ANKAR: variants seen among roughly 807,000 people sequenced by gnomAD.
ANKAR encodes the protein ankyrin and armadillo repeat-containing protein.
Under a neutral mutation model 146.2 loss-of-function variants are expected in ANKAR, and 136 were observed. The observed-to-expected ratio is 0.93, with a 90% CI of 0.81 to 1.07. The LOEUF is 1.07. Among genes scored for constraint, ANKAR ranks in the 50% least tolerant of loss-of-function variants. The pLI, the probability that ANKAR is intolerant of heterozygous loss-of-function variation, is 0.00. For missense variants in ANKAR, 1,567 were observed against 1,679.9 expected (o/e 0.93, Z 1.18); for synonymous variants, 500 against 575.8 (o/e 0.87, Z 1.88).
intron 18 of ANKAR, among the ~76,000 whole-genome samples, chr2:189,760,172 A>T (rs1239766735): frequency 6.6e-6 from 1 of 152,236 alleles, no homozygotes; most frequent in Non-Finnish European, 1.5e-5. Flanking sequence ...ACACAGACAT[A>T]TTAACAATCT....
At chr2:189,763,037 T>A (rs1435417335), downstream of ANKAR, 1 of 985,208 alleles carries the variant, frequency 1.0e-6, no homozygotes. Context: ...CTAAGCTACA[T>A]TAAAAAGAAA....
intron 5 of ANKAR, among the ~76,000 whole-genome samples, chr2:189,694,279 A>G (rs563342992): frequency 6.7e-4 from 102 of 152,264 alleles, no homozygotes; most frequent in African/African-American, 2.3e-3. Context: ...CATTTGGAGG[A>G]GAAACCCAGG....
chr2:189,722,302 G>T (rs2105795747), intron 12 of ANKAR, among the ~76,000 whole-genome samples: 1 of 136,312 alleles, frequency 7.3e-6, no homozygotes, highest in East Asian at 2.2e-4. Flanking sequence ...TTGTACCACT[G>T]CACTCTAGCC....
Position 189,676,768 on chromosome 2 carries a change from C to T in ANKAR, c.278C>T (p.Ala93Val), listed in dbSNP as rs2033756588. The change falls in exon 2 of 23, where the codon GCC becomes GTC. Residue 93 changes from alanine (A) to valine (V), a missense_variant. Ala to Val is a moderately conservative substitution (Grantham distance 64). Transcript: ENST00000684021. ...CTACTGACTCCCGTGGACCCTACTGCCCTCTTAGACTATAGAGAGGTCCAT... is the reference window on the plus strand; with the variant it reads ...CTACTGACTCCCGTGGACCCTACTGTCCTCTTAGACTATAGAGAGGTCCAT... ...AILLTPVDPTALLDYREVHQM... is the reference protein window; with the variant it reads ...AILLTPVDPTVLLDYREVHQM... 4 of 1,614,016 alleles carry T rather than the reference C, an allele frequency of 2.5e-6. No individual in the cohort carries two copies. Among genetic ancestry groups the T allele is most frequent in the African/African-American group, 1.3e-5 (1 of 74,920 alleles).
intron 6 of ANKAR, 145 bp downstream of exon 6, chr2:189,695,306 G>T: frequency 1.5e-6 from 1 of 646,128 alleles, no homozygotes; most frequent in South Asian, 3.9e-5. Flanking sequence ...GTAGCTGAAA[G>T]GCTATACAAT....
intron 2 of ANKAR, among the ~76,000 whole-genome samples, chr2:189,688,362 C>G (rs570030156): frequency 6.6e-6 from 1 of 152,292 alleles, no homozygotes; most frequent in East Asian, 1.9e-4. Flanking sequence ...GTGACTATCA[C>G]TCTGCAATAT....
In ANKAR at chr2:189,752,947, A is replaced by G. The variant is rs768484084; in HGVS notation, c.*585-8151A>G. 14 of 1,612,924 alleles carry G rather than the reference A, an allele frequency of 8.7e-6. No homozygotes were observed. The Admixed American group carries it at 2.3e-4, about 27-fold the overall frequency. On this transcript the variant is annotated intron_variant and NMD_transcript_variant, in intron 18 of 18. Transcript: ENST00000441800. ...TTAAAATTTCCAGAGCTCTGCGGAT[A>G]TAGAAGTTACTTGCGACACCACCAG... is the stretch of plus-strand genomic sequence containing the variant.
At chr2:189,717,348 A>C (rs1377240020) in intron 10 of ANKAR, among the ~76,000 whole-genome samples, 1 of 152,238 alleles carries the variant, frequency 6.6e-6, no homozygotes. Context: ...GCTCATCATC[A>C]CTGGCCATCA....
At chr2:189,715,151 C>T (rs943759224) in intron 10 of ANKAR, among the ~76,000 whole-genome samples, 3 of 151,938 alleles carry the variant, frequency 2.0e-5, no homozygotes, top group South Asian at 2.1e-4. Flanking sequence ...AATCCAGGAG[C>T]TGGTTTGTTG....
At chr2:189,679,681 G>A (rs529762983) in intron 2 of ANKAR, among the ~76,000 whole-genome samples, 135 of 152,228 alleles carry the variant, frequency 8.9e-4, no homozygotes, top group Non-Finnish European at 1.4e-3. Flanking sequence ...AAGCAATGCT[G>A]GATTTTGTCA....
chr2:189,694,966 C>A lies in ANKAR; in HGVS notation c.1308-15C>A. 2.1e-6 allele frequency: 3 copies of A among 1,399,306 alleles called. No homozygotes were observed. Among genetic ancestry groups the A allele is most frequent in the East Asian group, 2.4e-5 (1 of 41,022 alleles). 86.7% of individuals were successfully genotyped at this position (1,399,306 alleles called of 1,614,324 possible). Reference sequence around the variant, plus strand: ...AAAGTTAGAGAAACATCTTTTTTTTCTTTATTTTTTATAGCTACTATGTGA... The same window carrying A: ...AAAGTTAGAGAAACATCTTTTTTTTATTTATTTTTTATAGCTACTATGTGA... On this transcript the variant is annotated splice_polypyrimidine_tract_variant and intron_variant, in intron 5 of 22. Transcript: ENST00000684021.
intron 22 of ANKAR, among the ~76,000 whole-genome samples, chr2:189,745,027 C>CTAA (rs1553537043): frequency 1.2e-4 from 16 of 131,106 alleles, no homozygotes; most frequent in African/African-American, 4.5e-4. Flanking sequence ...ACTACTACTA[C>CTAA]TAATAATACA....
chr2:189,698,182 A>G (rs539625805), intron 7 of ANKAR, among the ~76,000 whole-genome samples: 2 of 152,336 alleles, frequency 1.3e-5, no homozygotes, highest in Admixed American at 6.5e-5. Context: ...AACTTTTCTT[A>G]TAGTATATAA....
intron 9 of ANKAR, among the ~76,000 whole-genome samples, chr2:189,709,064 A>C (rs1254922142): frequency 6.6e-6 from 1 of 152,132 alleles, no homozygotes; most frequent in South Asian, 2.1e-4. Flanking sequence ...TCGTGCCACT[A>C]CAGTCCATCC....
chr2:189,738,898 A>G (rs1467944545), intron 19 of ANKAR, among the ~76,000 whole-genome samples: 1 of 152,054 alleles, frequency 6.6e-6, no homozygotes, highest in Non-Finnish European at 1.5e-5. Flanking sequence ...AACTCTGAAT[A>G]CAGACTTTTT....
rs1401305942 is a variant in ANKAR at position 189,741,434 on chromosome 2, T to C, written c.3793T>C (p.Tyr1265His). The change falls in exon 20 of 23, where the codon TAC becomes CAC. Residue 1265 changes from tyrosine to histidine, a missense_variant. Transcript: ENST00000684021. The part of the protein sequence containing the change: ...GTIQRLCYHL[Y>H]SGIEEVRAAC... Reference sequence around the variant, plus strand: ...AATCCAACGGCTCTGCTATCATTTGTACTCGGGAATAGAAGAGGTAAAAAC... The same window carrying C: ...AATCCAACGGCTCTGCTATCATTTGCACTCGGGAATAGAAGAGGTAAAAAC... 5 of 1,606,184 alleles carry C rather than the reference T, an allele frequency of 3.1e-6. No homozygotes were observed. The highest frequency in any genetic ancestry group is 1.1e-5 in the South Asian group (1 of 89,322).
intron 7 of ANKAR, among the ~76,000 whole-genome samples, chr2:189,699,142 T>G (rs2037695930): frequency 6.6e-6 from 1 of 151,996 alleles, no homozygotes; most frequent in African/African-American, 2.4e-5. Flanking sequence ...TCTTGAGGGG[T>G]GTACATTTTA....
downstream of ANKAR, among the ~76,000 whole-genome samples, chr2:189,762,350 T>C (rs886129963): frequency 2.0e-5 from 3 of 152,222 alleles, no homozygotes; most frequent in African/African-American, 7.2e-5. Flanking sequence ...TCTAAAACTT[T>C]CTGGGTGTTA....
At chr2:189,716,100 A>G (rs973262352) in intron 10 of ANKAR, among the ~76,000 whole-genome samples, 3 of 152,186 alleles carry the variant, frequency 2.0e-5, no homozygotes, top group African/African-American at 7.2e-5. Flanking sequence ...GCAATCAGGC[A>G]AGAGAAAGAA....
Sources: allele counts gnomAD v4.1 joint callset (sites outside exome capture counted in the v4.1 genomes callset), GRCh38; gene constraint gnomAD v4.1.1; transcripts MANE v1.5; gene names NCBI Gene and HGNC (gene_info 2026-07-23, HGNC 2026-07-21).